Variants in PRICKLE1 observed in about 807,000 individuals in gnomAD.
PRICKLE1 encodes the protein prickle planar cell polarity protein 1.
In PRICKLE1, 14 loss-of-function variants were observed where a neutral mutation model predicts 70.2. The ratio of observed to expected loss-of-function variants is 0.20; its 90% CI spans 0.13 to 0.31. The LOEUF is 0.31. PRICKLE1 is among the 10% of genes least tolerant of loss of function. The probability of loss-of-function intolerance (pLI) is 1.00; values close to 1 mark genes in which losing one functional copy is unlikely to be tolerated. For synonymous variants in PRICKLE1, 357 were observed against 379.9 expected (o/e 0.94, Z 0.70); for missense variants, 821 against 1,026.2 (o/e 0.80, Z 2.73).
chr12:42,497,503 C>T (rs1319958577), intron 1 of PRICKLE1, among the ~76,000 whole-genome samples: 2 of 141,044 alleles, frequency 1.4e-5, no homozygotes, highest in East Asian at 2.2e-4. Context: ...GAGCCAAGAT[C>T]GTGCCACTGC....
intron 1 of PRICKLE1, among the ~76,000 whole-genome samples, chr12:42,516,043 C>A (rs557526448): frequency 6.6e-6 from 1 of 152,174 alleles, no homozygotes; most frequent in African/African-American, 2.4e-5. Context: ...CTTTTCTCTC[C>A]GATTTTGCAT....
intron 7 of PRICKLE1, 40 bp from the exon 8 acceptor site, chr12:42,460,705 C>A: frequency 6.3e-7 from 1 of 1,599,774 alleles, no homozygotes; most frequent in Non-Finnish European, 8.5e-7. Context: ...TCTCAATCAT[C>A]CTAATATTCG....
chr12:42,465,668 C>T (rs1938069717), intron 6 of PRICKLE1: 2 of 269,012 alleles, frequency 7.4e-6, no homozygotes, highest in Admixed American at 1.0e-4. Context: ...AAAATGGCCC[C>T]CAAGTGTAAT....
intron 1 of PRICKLE1, among the ~76,000 whole-genome samples, chr12:42,542,566 G>A (rs867858692): frequency 1.3e-4 from 20 of 152,220 alleles, no homozygotes; most frequent in African/African-American, 3.1e-4. Context: ...CAGAAGAATC[G>A]TTTGAACCCA....
chr12:42,482,579 C>A (rs1173659412), intron 1 of PRICKLE1, among the ~76,000 whole-genome samples: 2 of 152,240 alleles, frequency 1.3e-5, no homozygotes, highest in Admixed American at 6.5e-5. Flanking sequence ...TCCTGAACAA[C>A]ACTCCTCTTT....
At chr12:42,569,494 C>G (rs1940673479) in intron 1 of PRICKLE1, among the ~76,000 whole-genome samples, 1 of 152,164 alleles carries the variant, frequency 6.6e-6, no homozygotes. Context: ...TTTCTGTGAG[C>G]AAGTCGGTTT....
chr12:42,473,128 T>C (rs1938389504), intron 1 of PRICKLE1, among the ~76,000 whole-genome samples: 1 of 152,158 alleles, frequency 6.6e-6, no homozygotes, highest in South Asian at 2.1e-4. Context: ...CTAAACTGAG[T>C]TTACACACAA....
At chr12:42,577,018 T>C (rs1201664026) in intron 1 of PRICKLE1, among the ~76,000 whole-genome samples, 1 of 152,196 alleles carries the variant, frequency 6.6e-6, no homozygotes, top group Non-Finnish European at 1.5e-5. Context: ...ATATTAGGAA[T>C]GCAACTAAAA....
intron 1 of PRICKLE1, among the ~76,000 whole-genome samples, chr12:42,568,623 A>C (rs1199343523): frequency 6.6e-6 from 1 of 152,266 alleles, no homozygotes; most frequent in East Asian, 1.9e-4. Context: ...CAGATCAGCA[A>C]GGCAATTTTA....
intron 1 of PRICKLE1, among the ~76,000 whole-genome samples, chr12:42,490,516 A>T (rs1939080199): frequency 6.6e-6 from 1 of 152,190 alleles, no homozygotes; most frequent in Non-Finnish European, 1.5e-5. Context: ...TTTATGCCCT[A>T]ATTAGAGGGA....
At chr12:42,572,354 TGAACCCAG>T (rs1352256263) in intron 1 of PRICKLE1, among the ~76,000 whole-genome samples, 14 of 151,804 alleles carry the variant, frequency 9.2e-5, no homozygotes, top group Admixed American at 6.6e-4. Context: ...GAGAATCACT[TGAACCCAG>T]GAGTTGGAGG....
intron 1 of PRICKLE1, chr12:42,482,924 ACT>A (rs759887432): frequency 6.6e-6 from 1 of 151,784 alleles, no homozygotes; most frequent in Non-Finnish European, 1.5e-5. Flanking sequence ...GGCCCCGCAA[ACT>A]CTGCGCTCCA....
chr12:42,514,784 T>G (rs1939574997), intron 1 of PRICKLE1, among the ~76,000 whole-genome samples: 1 of 152,170 alleles, frequency 6.6e-6, no homozygotes, highest in Non-Finnish European at 1.5e-5. Flanking sequence ...TCTCAGTTTC[T>G]TCCCTTTTCT....
intron 1 of PRICKLE1, among the ~76,000 whole-genome samples, chr12:42,579,144 C>A (rs1290453173): frequency 2.6e-5 from 4 of 152,124 alleles, no homozygotes; most frequent in Admixed American, 1.3e-4. Context: ...GTAGCTATCA[C>A]AATAAATATC....
chr12:42,505,393 C>T (rs1939390907), intron 1 of PRICKLE1, among the ~76,000 whole-genome samples: 1 of 152,134 alleles, frequency 6.6e-6, no homozygotes, highest in Admixed American at 6.5e-5. Context: ...ACAGCACTTG[C>T]TATTAGATAT....
chr12:42,520,922 G>A (rs1457098960), intron 1 of PRICKLE1, among the ~76,000 whole-genome samples: 1 of 152,212 alleles, frequency 6.6e-6, no homozygotes, highest in Non-Finnish European at 1.5e-5. Flanking sequence ...TATAATCCCA[G>A]TATTTTGGGA....
intron 1 of PRICKLE1, among the ~76,000 whole-genome samples, chr12:42,524,023 T>C (rs1213405550): frequency 6.6e-6 from 1 of 152,250 alleles, no homozygotes; most frequent in Non-Finnish European, 1.5e-5. Flanking sequence ...ACACTTTAAT[T>C]GAACAGACCA....
At chr12:42,491,897 C>T (rs1457592819) in intron 1 of PRICKLE1, among the ~76,000 whole-genome samples, 3 of 151,126 alleles carry the variant, frequency 2.0e-5, no homozygotes, top group Non-Finnish European at 4.4e-5. Context: ...GATTCTCCTG[C>T]CTCAGCCTCT....
chr12:42,485,239 G>GTTTTTTTT (rs556218718), intron 1 of PRICKLE1: 7 of 100,812 alleles, frequency 6.9e-5, no homozygotes, highest in Non-Finnish European at 1.1e-4. Flanking sequence ...CAGCTGAGAA[G>GTTTTTTTT]TTTTTTTTTT....
Sources: allele counts gnomAD v4.1 joint callset (sites outside exome capture counted in the v4.1 genomes callset), GRCh38; gene constraint gnomAD v4.1.1; transcripts MANE v1.5; gene names NCBI Gene and HGNC (gene_info 2026-07-23, HGNC 2026-07-21).